The following PDCD11 variants were observed in gnomAD, a reference collection of about 807,000 sequenced individuals.
PDCD11 encodes the protein programmed cell death 11, also known as protein RRP5 homolog.
A neutral mutation model predicts 198.9 loss-of-function variants in PDCD11; 97 were observed. The observed-to-expected ratio is 0.49, with a 90% confidence interval of 0.41 to 0.58. PDCD11 has a LOEUF of 0.58. Among genes scored for constraint, PDCD11 ranks in the 20% least tolerant of loss-of-function variants. The pLI is 0.00. For missense variants in PDCD11, 2,102 were observed against 2,312.7 expected (o/e 0.91, Z 1.87); for synonymous variants, 893 against 918.0 (o/e 0.97, Z 0.49).
chr10:103,401,188 T>C (rs1266871838), intron 3 of PDCD11, among the ~76,000 whole-genome samples: 2 of 152,244 alleles, frequency 1.3e-5, no homozygotes, highest in Non-Finnish European at 2.9e-5. Flanking sequence ...ATTTCATAGA[T>C]GTGAAACCCA....
rs928132710 is a variant in PDCD11, at chr10:103,417,842, C to G, written c.1821C>G (p.Leu607=). The change falls in exon 14 of 36, where the codon CTC becomes CTG. Residue 607 remains leucine (L), a synonymous_variant. Coordinates refer to ENST00000369797, the MANE Select transcript of PDCD11 (RefSeq NM_014976.2). ...GTGAGCCATCCAAAGAGAGGATGCTCTTATCCTTCAAGCTGTCGAGTGATC... is the reference window on the plus strand; with the variant it reads ...GTGAGCCATCCAAAGAGAGGATGCTGTTATCCTTCAAGCTGTCGAGTGATC... ...LNCEPSKERM[L]LSFKLSSDPE... 3.7e-6 allele frequency: 6 copies of G among 1,614,170 alleles called. No homozygotes were observed. Among genetic ancestry groups the G allele is most frequent in the Non-Finnish European group, 5.1e-6 (6 of 1,180,018 alleles).
At chr10:103,407,140 C>A (rs1006227504) in intron 7 of PDCD11, among the ~76,000 whole-genome samples, 5 of 152,118 alleles carry the variant, frequency 3.3e-5, no homozygotes, top group Admixed American at 2.6e-4. Flanking sequence ...CGTCATAACC[C>A]CCATCTTTAA....
intron 25 of PDCD11, among the ~76,000 whole-genome samples, chr10:103,437,148 C>A (rs899714363): frequency 6.6e-6 from 1 of 152,094 alleles, no homozygotes; most frequent in African/African-American, 2.4e-5. Flanking sequence ...TCTCTCCCTC[C>A]CCTTTCTTTC....
At chr10:103,399,392 G>C (rs1423436957) in intron 2 of PDCD11, among the ~76,000 whole-genome samples, 1 of 151,934 alleles carries the variant, frequency 6.6e-6, no homozygotes, top group African/African-American at 2.4e-5. Context: ...AAGAGATGGG[G>C]AGAGATGATG....
chr10:103,427,410 G>C lies in PDCD11; in HGVS notation c.3368+19G>C. 6.3e-7 allele frequency: 1 copy of C among 1,599,052 alleles called. No homozygotes were observed. The highest frequency in any genetic ancestry group is 8.5e-7 in the Non-Finnish European group (1 of 1,170,246). Reference sequence around the variant, plus strand: ...GGCCAAGGTGAGGGGGACATTAGCAGCACTGTCTTACGGAAAGAGCACTGG... The same window carrying C: ...GGCCAAGGTGAGGGGGACATTAGCACCACTGTCTTACGGAAAGAGCACTGG... On this transcript the variant is annotated intron_variant, in intron 21 of 35. Transcript: ENST00000369797.
intron 1 of PDCD11, 78 bp from the exon 2 acceptor site, chr10:103,398,338 C>A: frequency 1.2e-6 from 1 of 863,192 alleles, no homozygotes; most frequent in Non-Finnish European, 2.0e-6. Flanking sequence ...AACGTTCTGT[C>A]TCTTGCCCGT....
rs113916974 is a variant in PDCD11, at chr10:103,443,404, T to C, written c.5124+71T>C. 4.0e-5 allele frequency: 57 copies of C among 1,411,412 alleles called. No individual in the cohort carries two copies. The African/African-American group carries it at 7.5e-4, about 19-fold the overall frequency. 87.4% of individuals were successfully genotyped at this position (1,411,412 alleles called of 1,614,324 possible). On this transcript the variant is annotated intron_variant, in intron 33 of 35. Transcript: ENST00000369797. ...CAATCTCAGAGAAGAGCCCCTGGGG[T>C]GCTGGGTCCAGTCCTGCTGTGAGCT...
At chr10:103,405,409 C>CTT (rs11403520) in intron 5 of PDCD11, 5,016 of 290,168 alleles carry the variant, frequency 0.017, 4 homozygotes, top group South Asian at 0.039. Flanking sequence ...GTCCAAATTT[C>CTT]TTTTTTTTTT....
chr10:103,443,392 G>T, intron 33 of PDCD11, 59 bp downstream of exon 33: 2 of 1,494,470 alleles, frequency 1.3e-6, no homozygotes, highest in Non-Finnish European at 1.8e-6. Flanking sequence ...TCTCAGAGAA[G>T]AGCCCCTGGG....
At chr10:103,397,126 G>C (rs140760465) in intron 1 of PDCD11, among the ~76,000 whole-genome samples, 278 of 151,662 alleles carry the variant, frequency 1.8e-3, no homozygotes, top group African/African-American at 6.5e-3. Flanking sequence ...CCAAGTGTCT[G>C]TCAGAACTAA....
chr10:103,427,312 C>A lies in PDCD11; in HGVS notation c.3306-17C>A. The A allele has an allele frequency of 6.2e-7, 1 of 1,607,668 alleles. No individual in the cohort carries two copies. Among genetic ancestry groups the A allele is most frequent in the Non-Finnish European group, 8.5e-7 (1 of 1,174,250 alleles). ...ACAGAGATGAAGAGAAATGATTCAG[C>A]TTATTTGTTTCTCCAGGTATCTCCC... On this transcript the variant is annotated splice_polypyrimidine_tract_variant and intron_variant, in intron 20 of 35. Coordinates refer to ENST00000369797, the MANE Select transcript of PDCD11 (RefSeq NM_014976.2).
At chr10:103,435,956 C>T (rs1239294509) in intron 25 of PDCD11, among the ~76,000 whole-genome samples, 1 of 152,120 alleles carries the variant, frequency 6.6e-6, no homozygotes, top group Non-Finnish European at 1.5e-5. Flanking sequence ...ATTTCTCACA[C>T]CACTATTGGC....
intron 6 of PDCD11, 139 bp downstream of exon 6, chr10:103,406,247 C>T: frequency 3.2e-6 from 3 of 949,880 alleles, no homozygotes; most frequent in South Asian, 3.4e-5. Flanking sequence ...AGCACTTAAT[C>T]CTAGTTAATA....
intron 1 of PDCD11, among the ~76,000 whole-genome samples, chr10:103,397,795 C>T (rs1347146530): frequency 6.6e-6 from 1 of 152,196 alleles, no homozygotes; most frequent in East Asian, 1.9e-4. Context: ...TTGAATAATT[C>T]CTCAGAGACA....
At chr10:103,402,121 C>T (rs956672425) in intron 3 of PDCD11, among the ~76,000 whole-genome samples, 7 of 151,986 alleles carry the variant, frequency 4.6e-5, no homozygotes, top group Admixed American at 2.6e-4. Flanking sequence ...GCAGAAGGCC[C>T]GTATTCCCTC....
chr10:103,412,440 C>T (rs1334321142), intron 8 of PDCD11, among the ~76,000 whole-genome samples: 1 of 152,120 alleles, frequency 6.6e-6, no homozygotes. Context: ...CCTGCTTGAG[C>T]CTCCTGAGTA....
chr10:103,408,557 T>C (rs947690879), intron 7 of PDCD11, among the ~76,000 whole-genome samples: 1 of 152,186 alleles, frequency 6.6e-6, no homozygotes, highest in African/African-American at 2.4e-5. Context: ...TTATTTATTT[T>C]TGAGACAGAG....
chr10:103,430,992 GT>G (rs1419629703), intron 21 of PDCD11, among the ~76,000 whole-genome samples: 1 of 151,950 alleles, frequency 6.6e-6, no homozygotes, highest in African/African-American at 2.4e-5. Context: ...TAGAGACGGG[GT>G]TTCATCATGT....
intron 16 of PDCD11, 32 bp from the exon 17 acceptor site, chr10:103,421,316 T>A (rs1195026075): frequency 8.4e-6 from 13 of 1,540,770 alleles, no homozygotes; most frequent in Non-Finnish European, 1.1e-5. Flanking sequence ...AGACCTTTCC[T>A]CTTCTCATCT....
Sources: allele counts gnomAD v4.1 joint callset (sites outside exome capture counted in the v4.1 genomes callset), GRCh38; gene constraint gnomAD v4.1.1; transcripts MANE v1.5; gene names NCBI Gene and HGNC (gene_info 2026-07-23, HGNC 2026-07-21).